The following NUBPL variants were observed in gnomAD, a reference collection of about 807,000 sequenced individuals.
NUBPL encodes the protein NUBP iron-sulfur cluster assembly factor, mitochondrial, also known as iron-sulfur cluster transfer protein NUBPL.
NUBPL carries 31 observed loss-of-function variants against 45.7 expected under a neutral mutation model. The ratio of observed to expected loss-of-function variants is 0.68; its 90% CI spans 0.51 to 0.92. NUBPL has a LOEUF of 0.92. Among genes scored for constraint, NUBPL ranks in the 40% least tolerant of loss-of-function variants. The pLI is 0.00. For missense variants in NUBPL, 401 were observed against 398.7 expected (o/e 1.01, Z -0.05); for synonymous variants, 144 against 140.9 (o/e 1.02, Z -0.15).
At chr14:31,662,552 T>C (rs2036298659) in intron 4 of NUBPL, among the ~76,000 whole-genome samples, 1 of 152,160 alleles carries the variant, frequency 6.6e-6, no homozygotes, top group South Asian at 2.1e-4. Flanking sequence ...CTACCACTTA[T>C]GATTGAGAAC....
At chr14:31,733,702 A>G (rs2038103295) in intron 6 of NUBPL, among the ~76,000 whole-genome samples, 1 of 152,146 alleles carries the variant, frequency 6.6e-6, no homozygotes, top group African/African-American at 2.4e-5. Flanking sequence ...GATTTTCTGT[A>G]TATGTAATCA....
intron 3 of NUBPL, among the ~76,000 whole-genome samples, chr14:31,586,974 G>A (rs749681594): frequency 2.0e-5 from 3 of 152,258 alleles, no homozygotes; most frequent in Non-Finnish European, 4.4e-5. Flanking sequence ...CTCAGTGTTT[G>A]GGACTCTATA....
chr14:31,827,055 G>A (rs1360747850), intron 8 of NUBPL, among the ~76,000 whole-genome samples: 3 of 151,922 alleles, frequency 2.0e-5, no homozygotes, highest in Non-Finnish European at 2.9e-5. Flanking sequence ...ATGGGGAAGC[G>A]GATGAAAAAA....
At chr14:31,756,224 G>C (rs372483696) in intron 6 of NUBPL, among the ~76,000 whole-genome samples, 3 of 152,010 alleles carry the variant, frequency 2.0e-5, no homozygotes, top group East Asian at 1.9e-4. Flanking sequence ...TAGTTTTTTC[G>C]AATTCTGTGA....
At position 31,760,126 on chromosome 14, in the gene NUBPL, A is replaced by AGTGTGT. The variant is rs147699444; in HGVS notation, c.514-27640_514-27635dup. 4.8e-3 allele frequency among the ~76,000 whole-genome samples: 144 copies of AGTGTGT among 29,830 alleles called. 1 individual carries two copies. Among genetic ancestry groups the AGTGTGT allele is most frequent in the African/African-American group, 9.3e-3 (74 of 7,988 alleles). The allele number at this position is 29,830 out of a possible 152,430, so 19.6% of individuals were successfully genotyped here. A position where few individuals can be genotyped will look rare whatever the true frequency, so the allele number is the denominator to read the frequency against. On this transcript the variant is annotated intron_variant, in intron 6 of 10. Coordinates refer to ENST00000281081, the MANE Select transcript of NUBPL (RefSeq NM_025152.3). The stretch of plus-strand genomic sequence containing the variant: ...CTATTACTCTATTACTTCTGACTTT[A>AGTGTGT]GTGTGTGTGTGTGTGTGTGAGAGAG...
At chr14:31,831,337 C>G (rs1483028295) in intron 8 of NUBPL, among the ~76,000 whole-genome samples, 5 of 152,044 alleles carry the variant, frequency 3.3e-5, no homozygotes, top group Admixed American at 3.3e-4. Context: ...GCCACGGTGC[C>G]CAGCCTGCCC....
At chr14:31,613,402 G>A (rs530965934) in intron 4 of NUBPL, among the ~76,000 whole-genome samples, 2 of 152,176 alleles carry the variant, frequency 1.3e-5, no homozygotes, top group Non-Finnish European at 2.9e-5. Flanking sequence ...CAAGGTAACT[G>A]TAGTCCGTAA....
At chr14:31,700,352 T>G (rs981204182) in intron 6 of NUBPL, among the ~76,000 whole-genome samples, 1 of 152,082 alleles carries the variant, frequency 6.6e-6, no homozygotes, top group Non-Finnish European at 1.5e-5. Context: ...TTCAGTAGAC[T>G]AGTTACTCTT....
chr14:31,855,401 C>T (rs1416437091), intron 10 of NUBPL, among the ~76,000 whole-genome samples: 3 of 152,126 alleles, frequency 2.0e-5, no homozygotes, highest in Admixed American at 1.3e-4. Context: ...TACTGTTTAA[C>T]ATGTGGTGTA....
intron 8 of NUBPL, among the ~76,000 whole-genome samples, chr14:31,835,964 A>T (rs1293413527): frequency 1.3e-5 from 2 of 152,226 alleles, no homozygotes; most frequent in Non-Finnish European, 2.9e-5. Flanking sequence ...ACCAGCAAGC[A>T]TTTAACCTGA....
At chr14:31,699,023 TTCTG>T (rs1387204139) in intron 6 of NUBPL, among the ~76,000 whole-genome samples, 1 of 152,012 alleles carries the variant, frequency 6.6e-6, no homozygotes, top group African/African-American at 2.4e-5. Context: ...CCTGGCTAAT[TTCTG>T]TATTTTTAGT....
At chr14:31,649,430 T>C (rs4981871) in intron 4 of NUBPL, among the ~76,000 whole-genome samples, 65,697 of 152,132 alleles carry the variant, frequency 0.43, 17,177 homozygotes, top group East Asian at 0.6. Flanking sequence ...GGGAATTTAA[T>C]CTGTAATGAT....
chr14:31,596,474 G>A (rs372323846), intron 3 of NUBPL, among the ~76,000 whole-genome samples: 2 of 140,834 alleles, frequency 1.4e-5, no homozygotes, highest in East Asian at 2.2e-4. Flanking sequence ...TATGACATGT[G>A]GACCAAATCC....
At position 31,859,819 on chromosome 14, in the gene NUBPL, C is replaced by T. The variant is rs1379155188; in HGVS notation, c.*639C>T. On this transcript the variant is annotated 3_prime_UTR_variant, in exon 11 of 11. Coordinates refer to ENST00000281081, the MANE Select transcript of NUBPL (RefSeq NM_025152.3). ...AACAAGTTAATTATAATTGTTCTTCCATTTGTGTGAGTGGGTACTATTATC... is the reference window on the plus strand; with the variant it reads ...AACAAGTTAATTATAATTGTTCTTCTATTTGTGTGAGTGGGTACTATTATC... The T allele has an allele frequency of 1.3e-5, 2 of 155,964 alleles. No individual in the cohort carries two copies. Among genetic ancestry groups the T allele is most frequent in the African/African-American group, 4.8e-5 (2 of 41,402 alleles). 9.7% of individuals were successfully genotyped at this position (155,964 alleles called of 1,614,324 possible).
At chr14:31,751,417 A>G (rs1398230127) in intron 6 of NUBPL, among the ~76,000 whole-genome samples, 3 of 152,274 alleles carry the variant, frequency 2.0e-5, no homozygotes, top group African/African-American at 7.2e-5. Context: ...TCTGTTTGAA[A>G]TGGGAGAAAT....
rs772038478 is a variant in NUBPL, at chr14:31,599,277, A to AT, written c.292-5dup. 11 of 1,587,750 alleles carry AT rather than the reference A, an allele frequency of 6.9e-6. No individual in the cohort carries two copies. Among genetic ancestry groups the AT allele is most frequent in the African/African-American group, 2.7e-5 (2 of 74,414 alleles). ...TTTGTTTTGTTTTATATTTTTATTT[A>AT]TTTTTTTACAGTCCAAGGCCATTGG... On this transcript the variant is annotated splice_polypyrimidine_tract_variant and intron_variant, in intron 3 of 10. Coordinates refer to ENST00000281081, the MANE Select transcript of NUBPL (RefSeq NM_025152.3).
At chr14:31,676,391 A>G (rs2036699616) in intron 6 of NUBPL, among the ~76,000 whole-genome samples, 1 of 152,018 alleles carries the variant, frequency 6.6e-6, no homozygotes, top group Admixed American at 6.6e-5. Flanking sequence ...TTATTGTTGC[A>G]TATAATAGTA....
chr14:31,692,683 T>C (rs2139866988), intron 6 of NUBPL, among the ~76,000 whole-genome samples: 1 of 152,376 alleles, frequency 6.6e-6, no homozygotes, highest in East Asian at 1.9e-4. Context: ...TTGTTATTAG[T>C]GATTTCCCTG....
intron 4 of NUBPL, among the ~76,000 whole-genome samples, chr14:31,639,810 G>A (rs1046860098): frequency 9.2e-5 from 14 of 152,118 alleles, no homozygotes; most frequent in African/African-American, 2.4e-4. Context: ...CCCCAGCCTC[G>A]CTGCCACCTT....
Sources: allele counts gnomAD v4.1 joint callset (sites outside exome capture counted in the v4.1 genomes callset), GRCh38; gene constraint gnomAD v4.1.1; transcripts MANE v1.5; gene names NCBI Gene and HGNC (gene_info 2026-07-23, HGNC 2026-07-21).